Variants in ARPC2 observed in about 807,000 individuals in gnomAD.
ARPC2 encodes actin related protein 2/3 complex subunit 2, also known as actin-related protein 2/3 complex subunit 2.
A neutral mutation model predicts 38.6 loss-of-function variants in ARPC2; 4 were observed. That is an observed-to-expected ratio of 0.10 (90% confidence interval 0.05 to 0.24). The LOEUF (loss-of-function observed/expected upper bound fraction) is 0.24. ARPC2 is among the 10% of genes least tolerant of loss of function. ARPC2 has a pLI of 1.00. For synonymous variants in ARPC2, 125 were observed against 140.8 expected (o/e 0.89, Z 0.79); for missense variants, 229 against 387.3 (o/e 0.59, Z 3.43).
intron 6 of ARPC2, 138 bp from the exon 7 acceptor site, chr2:218,239,253 A>G: frequency 4.7e-6 from 3 of 638,172 alleles, no homozygotes; most frequent in South Asian, 2.0e-5. Flanking sequence ...GACCATAAAT[A>G]TCATCTCATT....
In ARPC2 at chr2:218,242,191, G is replaced by A. The variant is rs560438890; in HGVS notation, c.549+2707G>A. On this transcript the variant is annotated intron_variant, in intron 7 of 10. Coordinates refer to ENST00000315717, the MANE Select transcript of ARPC2 (RefSeq NM_152862.3). ...TACCTCTCAGAAAAAGACAGGAAGT[G>A]TATTCCTCCACACTAGTGGTATGGG... is the stretch of plus-strand genomic sequence containing the variant. Among the ~76,000 whole-genome samples the A allele has an allele frequency of 2.2e-4, 33 of 152,324 alleles. No individual in the cohort carries two copies. The South Asian group carries it at 2.7e-3, about 12-fold the overall frequency.
chr2:218,217,555 G>A lies in ARPC2; in HGVS notation c.74+11G>A, dbSNP rs200735734. On this transcript the variant is annotated intron_variant, in intron 2 of 10. Transcript: ENST00000315717. The stretch of plus-strand genomic sequence containing the variant: ...GAACGCGGCCGCCGGGTGAGCGCGC[G>A]CCCGGGGCCGGGGGTGGCGGGGGAA... 6.2e-7 allele frequency: 1 copy of A among 1,608,170 alleles called. No homozygotes were observed. Among genetic ancestry groups the A allele is most frequent in the Admixed American group, 1.7e-5 (1 of 59,284 alleles).
intron 4 of ARPC2, among the ~76,000 whole-genome samples, chr2:218,231,771 C>CTAT (rs1477808788): frequency 2.6e-5 from 4 of 152,146 alleles, no homozygotes; most frequent in African/African-American, 9.7e-5. Context: ...TTTCTTCCAG[C>CTAT]TATAGGAAAA....
At chr2:218,253,050 G>T (rs1177634435) in intron 10 of ARPC2, 1 of 454,022 alleles carries the variant, frequency 2.2e-6, no homozygotes, top group Non-Finnish European at 4.4e-6. Context: ...GGAGTTAAGT[G>T]ACTCAGCTGT....
In ARPC2 at chr2:218,249,217, A is replaced by T. The variant is rs1488347447; in HGVS notation, c.677-147A>T. On this transcript the variant is annotated intron_variant, in intron 8 of 10. Transcript: ENST00000315717. ...CATGCTGTTTAACTTCCATGTCAAGAAAAAACCCTGACAAAGCCTGGTAAT... is the reference window on the plus strand; with the variant it reads ...CATGCTGTTTAACTTCCATGTCAAGTAAAAACCCTGACAAAGCCTGGTAAT... 6.7e-6 allele frequency: 4 copies of T among 601,156 alleles called. No homozygotes were observed. The East Asian group carries it at 1.3e-4, about 19-fold the overall frequency. 37.2% of individuals were successfully genotyped at this position (601,156 alleles called of 1,614,324 possible). A position where few individuals can be genotyped will look rare whatever the true frequency, so the allele number is the denominator to read the frequency against.
Position 218,245,101 on chromosome 2 carries a change from C to A in ARPC2, c.550-319C>A, listed in dbSNP as rs117038944. Among the ~76,000 whole-genome samples the A allele has an allele frequency of 2.0e-4, 31 of 152,306 alleles. 1 individual carries two copies. In the East Asian group the frequency reaches 6.0e-3, roughly 29 times the overall value. ...ACAGGATCCTCAGTGAAAAAAGACT[C>A]ATGCAAAGTCCCAGAGCCCAGAGAA... On this transcript the variant is annotated intron_variant, in intron 7 of 10. Coordinates refer to ENST00000315717, the MANE Select transcript of ARPC2 (RefSeq NM_152862.3).
intron 7 of ARPC2, 113 bp downstream of exon 7, chr2:218,239,597 T>C (rs1177220066): frequency 1.2e-5 from 10 of 808,082 alleles, no homozygotes; most frequent in Non-Finnish European, 1.9e-5. Flanking sequence ...GTTAGAATTT[T>C]TTTTTTTTTT....
intron 2 of ARPC2, among the ~76,000 whole-genome samples, chr2:218,221,822 A>T (rs1049788959): frequency 6.6e-6 from 1 of 152,156 alleles, no homozygotes; most frequent in African/African-American, 2.4e-5. Flanking sequence ...AATATGATCT[A>T]TTTTTTTAGG....
intron 10 of ARPC2, among the ~76,000 whole-genome samples, chr2:218,250,335 A>G (rs911219494): frequency 3.9e-5 from 6 of 152,188 alleles, no homozygotes; most frequent in African/African-American, 1.4e-4. Context: ...GGAAGTTTGC[A>G]TGCAGAGGAA....
Position 218,254,109 on chromosome 2 carries a change from A to T in ARPC2, c.*194A>T, listed in dbSNP as rs1272762218. 4 of 133,712 alleles carry T rather than the reference A, an allele frequency of 3.0e-5. No individual in the cohort carries two copies. Among genetic ancestry groups the T allele is most frequent in the South Asian group, 2.4e-4 (1 of 4,106 alleles). 8.3% of individuals were successfully genotyped at this position (133,712 alleles called of 1,614,324 possible). A position where few individuals can be genotyped will look rare whatever the true frequency, so the allele number is the denominator to read the frequency against. Reference sequence around the variant, plus strand: ...AAAGACTTCATAGTTCCCAAGAATTAAAAAAAAAAAAAAAAGAATTCCACT... The same window carrying T: ...AAAGACTTCATAGTTCCCAAGAATTTAAAAAAAAAAAAAAAGAATTCCACT... On this transcript the variant is annotated 3_prime_UTR_variant, in exon 11 of 11. Coordinates refer to ENST00000315717, the MANE Select transcript of ARPC2 (RefSeq NM_152862.3).
chr2:218,230,739 T>G (rs1406525758), intron 4 of ARPC2, among the ~76,000 whole-genome samples: 1 of 152,150 alleles, frequency 6.6e-6, no homozygotes, highest in Non-Finnish European at 1.5e-5. Flanking sequence ...ACACCTGTAG[T>G]GCCAACTGTG....
At chr2:218,245,631 A>T (rs897770350) in intron 8 of ARPC2, 85 bp downstream of exon 8, 38 of 1,560,038 alleles carry the variant, frequency 2.4e-5, no homozygotes, top group Non-Finnish European at 3.1e-5. Context: ...ACCTTGGTTA[A>T]CATTTTAAGG....
intron 2 of ARPC2, 29 bp downstream of exon 2, chr2:218,217,573 C>T (rs1472392223): frequency 1.9e-6 from 3 of 1,593,088 alleles, no homozygotes. Context: ...CCGGGGGTGG[C>T]GGGGGAAGCA....
intron 10 of ARPC2, among the ~76,000 whole-genome samples, chr2:218,252,623 A>ATCCC (rs1369103661): frequency 1.4e-4 from 22 of 152,290 alleles, no homozygotes; most frequent in Admixed American, 1.3e-3. Context: ...AGTGAGAGGG[A>ATCCC]AGCCTGACCT....
chr2:218,243,455 G>A (rs1219145361), intron 7 of ARPC2, among the ~76,000 whole-genome samples: 1 of 152,186 alleles, frequency 6.6e-6, no homozygotes, highest in Non-Finnish European at 1.5e-5. Flanking sequence ...AGAGAGAACT[G>A]AGGAGAAGCA....
At chr2:218,242,165 C>G (rs1408571935) in intron 7 of ARPC2, among the ~76,000 whole-genome samples, 2 of 152,184 alleles carry the variant, frequency 1.3e-5, no homozygotes, top group Admixed American at 1.3e-4. Context: ...GGGATGCTTT[C>G]TACCTCTCAG....
chr2:218,223,174 AT>A (rs1689422944), intron 2 of ARPC2, among the ~76,000 whole-genome samples: 1 of 152,180 alleles, frequency 6.6e-6, no homozygotes, highest in Non-Finnish European at 1.5e-5. Flanking sequence ...TAAATGGAAA[AT>A]CCCAGAAATA....
chr2:218,235,292 T>C (rs1689743524), intron 5 of ARPC2: 1 of 159,692 alleles, frequency 6.3e-6, no homozygotes, highest in Non-Finnish European at 1.4e-5. Context: ...CCTCCCGCTT[T>C]AGCCTCTCCG....
intron 4 of ARPC2, 102 bp downstream of exon 4, chr2:218,228,952 C>CTACT: frequency 1.4e-6 from 1 of 705,860 alleles, no homozygotes; most frequent in Non-Finnish European, 2.5e-6. Flanking sequence ...CCCCACATGA[C>CTACT]TACTTGCTCA....
Sources: gnomAD v4.1 joint callset for allele counts (sites outside exome capture counted in the v4.1 genomes callset) on GRCh38, gnomAD v4.1.1 for gene constraint, MANE v1.5 for transcripts, NCBI Gene and HGNC (gene_info 2026-07-23, HGNC 2026-07-21) for gene names.